DIP2C: variants seen among roughly 807,000 people sequenced by gnomAD.
DIP2C encodes the protein DIP2 acetate--CoA ligase C (putative), also known as disco-interacting protein 2 homolog C.
A neutral mutation model predicts 192.4 loss-of-function variants in DIP2C; 33 were observed. That is an observed-to-expected ratio of 0.17 (90% confidence interval 0.13 to 0.23). DIP2C has a LOEUF of 0.23. DIP2C is among the 10% of genes least tolerant of loss of function. The probability of loss-of-function intolerance (pLI) is 1.00; values close to 1 mark genes in which losing one functional copy is unlikely to be tolerated. For synonymous variants in DIP2C, 979 were observed against 864.1 expected (o/e 1.13, Z -2.33); for missense variants, 1,537 against 2,110.1 (o/e 0.73, Z 5.32).
chr10:422,213 T>C lies in DIP2C; in HGVS notation c.604+611A>G, dbSNP rs183431930. Among the ~76,000 whole-genome samples the C allele has an allele frequency of 3.3e-3, 496 of 152,316 alleles. 2 individuals are homozygous for C. Among genetic ancestry groups the C allele is most frequent in the African/African-American group, 0.011 (455 of 41,558 alleles). On this transcript the variant is annotated intron_variant, in intron 5 of 36. Coordinates refer to ENST00000280886, the MANE Select transcript of DIP2C (RefSeq NM_014974.3). ...AGTCCCGTACTTGATGAAAAACATT[T>C]ACTACTGAACCGTTCAAAGGCAGAG...
chr10:580,327 A>T (rs568232026), intron 1 of DIP2C, among the ~76,000 whole-genome samples: 1 of 152,294 alleles, frequency 6.6e-6, no homozygotes, highest in South Asian at 2.1e-4. Flanking sequence ...CCACAAGTTT[A>T]TTCAGTGTGC....
chr10:643,277 G>A (rs1385936394), intron 1 of DIP2C, among the ~76,000 whole-genome samples: 1 of 151,252 alleles, frequency 6.6e-6, no homozygotes, highest in African/African-American at 2.4e-5. Context: ...CACTTTGGGA[G>A]GCCAAGGCGG....
At chr10:474,565 GGCT>G (rs1970909133) in intron 2 of DIP2C, among the ~76,000 whole-genome samples, 2 of 35,798 alleles carry the variant, frequency 5.6e-5, no homozygotes, top group African/African-American at 7.3e-5. Context: ...CGCTGGCTGT[GGCT>G]GCTGTGTTGG....
intron 34 of DIP2C, 149 bp from the exon 35 acceptor site, chr10:283,595 C>T (rs536546291): frequency 1.7e-5 from 18 of 1,079,638 alleles, no homozygotes; most frequent in East Asian, 5.2e-5. Flanking sequence ...TAATCTCATT[C>T]GGGTTTCTCG....
chr10:279,146 G>A (rs1231635819), intron 36 of DIP2C, among the ~76,000 whole-genome samples: 1 of 152,152 alleles, frequency 6.6e-6, no homozygotes, highest in South Asian at 2.1e-4. Context: ...TGTGACTGCC[G>A]CATGCCTATG....
chr10:414,876 GTGTGTGTGTGTGTGTA>G (rs1354633944), intron 7 of DIP2C, among the ~76,000 whole-genome samples: 38 of 59,238 alleles, frequency 6.4e-4, no homozygotes, highest in East Asian at 1.1e-3. Context: ...GTGTGTGTGT[GTGTGTGTGTGTGTGTA>G]TATATATATA....
intron 1 of DIP2C, among the ~76,000 whole-genome samples, chr10:534,339 A>G (rs986046168): frequency 2.6e-5 from 4 of 152,230 alleles, no homozygotes; most frequent in Admixed American, 6.5e-5. Context: ...GGCAGGAGCC[A>G]GATGGTCAGG....
intron 2 of DIP2C, among the ~76,000 whole-genome samples, chr10:481,083 T>G (rs909972762): frequency 1.3e-5 from 2 of 152,002 alleles, no homozygotes; most frequent in African/African-American, 4.8e-5. Flanking sequence ...TAGGAAGCGC[T>G]GCCTTGGGGT....
At chr10:309,964 C>T in intron 32 of DIP2C, 67 bp downstream of exon 32, 1 of 1,482,170 alleles carries the variant, frequency 6.7e-7, no homozygotes, top group Non-Finnish European at 9.4e-7. Context: ...AGATGGAGAC[C>T]TGCATGCAAG....
intron 22 of DIP2C, among the ~76,000 whole-genome samples, chr10:362,075 AAG>A (rs1959601427): frequency 1.3e-5 from 2 of 151,740 alleles, no homozygotes; most frequent in Non-Finnish European, 2.9e-5. Context: ...GGAAAAAAAA[AAG>A]AAATGGAGGA....
chr10:369,814 G>A (rs746187400), intron 17 of DIP2C, 181 bp from the exon 18 acceptor site: 7 of 1,299,616 alleles, frequency 5.4e-6, no homozygotes, highest in African/African-American at 2.9e-5. Flanking sequence ...ATGAACAGCT[G>A]GCAGCGAGTC....
chr10:374,480 T>C (rs1961336050), intron 17 of DIP2C, among the ~76,000 whole-genome samples: 2 of 152,198 alleles, frequency 1.3e-5, no homozygotes, highest in Admixed American at 6.5e-5. Flanking sequence ...TGACCCTCCC[T>C]GTTTAGCAGA....
intron 1 of DIP2C, among the ~76,000 whole-genome samples, chr10:683,207 A>C (rs79176448): frequency 0.032 from 4,909 of 152,258 alleles, 247 homozygotes; most frequent in African/African-American, 0.11. Context: ...AGGGCTTATT[A>C]AAATTAACTC....
intron 1 of DIP2C, among the ~76,000 whole-genome samples, chr10:513,260 G>A (rs1846141555): frequency 6.6e-6 from 1 of 152,194 alleles, no homozygotes; most frequent in Non-Finnish European, 1.5e-5. Flanking sequence ...ATAAACATAA[G>A]CTACTAAATT....
At chr10:443,890 A>G (rs902871444) in intron 3 of DIP2C, among the ~76,000 whole-genome samples, 2 of 152,162 alleles carry the variant, frequency 1.3e-5, no homozygotes, top group Non-Finnish European at 1.5e-5. Flanking sequence ...TTTCTTTTGG[A>G]AGGGCGGGAG....
At chr10:461,348 G>A (rs576945477) in intron 3 of DIP2C, among the ~76,000 whole-genome samples, 7 of 152,018 alleles carry the variant, frequency 4.6e-5, no homozygotes, top group African/African-American at 1.7e-4. Context: ...AAAGGATGGA[G>A]GAATATTTAC....
At chr10:343,510 C>T (rs925390224) in intron 28 of DIP2C, among the ~76,000 whole-genome samples, 37 of 152,100 alleles carry the variant, frequency 2.4e-4, no homozygotes, top group Admixed American at 3.9e-4. Context: ...GAGAAGGTTT[C>T]GTAACTGTTT....
chr10:580,495 G>A (rs763655796), intron 1 of DIP2C, among the ~76,000 whole-genome samples: 3 of 152,204 alleles, frequency 2.0e-5, no homozygotes, highest in South Asian at 4.2e-4. Context: ...CAAATAGTGT[G>A]GATATAATAG....
chr10:331,511 C>G (rs1957508382), intron 29 of DIP2C, among the ~76,000 whole-genome samples: 2 of 152,218 alleles, frequency 1.3e-5, no homozygotes, highest in Non-Finnish European at 2.9e-5. Flanking sequence ...CTATACCTAA[C>G]TTGTAGATTT....
Sources: allele counts gnomAD v4.1 joint callset (sites outside exome capture counted in the v4.1 genomes callset), GRCh38; gene constraint gnomAD v4.1.1; transcripts MANE v1.5; gene names NCBI Gene and HGNC (gene_info 2026-07-23, HGNC 2026-07-21).